The following PHF19 variants were observed in gnomAD, a reference collection of about 807,000 sequenced individuals.
The protein encoded by PHF19 is polycomb like 3.
PHF19 carries 21 observed loss-of-function variants against 79.8 expected under a neutral mutation model. The observed-to-expected ratio is 0.26, with a 90% CI of 0.19 to 0.38. PHF19 has a LOEUF of 0.38. PHF19 is among the 10% of genes least tolerant of loss of function. The pLI is 1.00. For synonymous variants in PHF19, 273 were observed against 296.3 expected (o/e 0.92, Z 0.81); for missense variants, 445 against 744.2 (o/e 0.60, Z 4.68).
Position 120,861,992 on chromosome 9 carries a change from C to T in PHF19, c.1144G>A (p.Glu382Lys), listed in dbSNP as rs781520232. 2.5e-6 allele frequency: 4 copies of T among 1,613,426 alleles called. No individual in the cohort carries two copies. Among genetic ancestry groups the T allele is most frequent in the African/African-American group, 1.3e-5 (1 of 75,054 alleles). ...ACTCGCCTTTTCTGCTGCTGGAATT[C>T]GTGAGGCAACAAACTGTGGAGACAG... ...GKSKPGLLPH[E>K]FQQQKRRVYR... The change falls in exon 12 of 15, where the codon GAA becomes AAA. Residue 382 changes from glutamate (E) to lysine (K), a missense_variant. Coordinates refer to ENST00000373896, the MANE Select transcript of PHF19 (RefSeq NM_015651.3).
intron 9 of PHF19, among the ~76,000 whole-genome samples, chr9:120,864,891 A>G (rs1283352014): frequency 5.3e-5 from 8 of 152,216 alleles, no homozygotes; most frequent in Non-Finnish European, 7.3e-5. Flanking sequence ...GGATTTTTTA[A>G]AAAGTATACT....
chr9:120,862,511 A>G lies in PHF19; in HGVS notation c.1130+77T>C. 1 of 1,310,540 alleles carries G rather than the reference A, an allele frequency of 7.6e-7. No homozygotes were observed. The highest frequency in any genetic ancestry group is 1.1e-6 in the Non-Finnish European group (1 of 914,316). The allele number at this position is 1,310,540 out of a possible 1,614,324, so 81.2% of individuals were successfully genotyped here. A position where few individuals can be genotyped will look rare whatever the true frequency, so the allele number is the denominator to read the frequency against. On this transcript the variant is annotated intron_variant, in intron 11 of 14. Coordinates refer to ENST00000373896, the MANE Select transcript of PHF19 (RefSeq NM_015651.3). This position sits in a 1 kb window ranked among gnomAD's most constrained non-coding sequence, Gnocchi z 4.6. ...CCTACAGCTGGGACTGGCTGGGTGC[A>G]GGTCCTCCTTGCTTGCTTGGAAGCA...
chr9:120,857,668 A>G lies in PHF19; in HGVS notation c.*276T>C. The G allele has an allele frequency of 2.7e-6, 1 of 367,614 alleles. No homozygotes were observed. The highest frequency in any genetic ancestry group is 4.9e-6 in the Non-Finnish European group (1 of 204,876). 22.8% of individuals were successfully genotyped at this position (367,614 alleles called of 1,614,324 possible). On this transcript the variant is annotated 3_prime_UTR_variant, in exon 15 of 15. Coordinates refer to ENST00000373896, the MANE Select transcript of PHF19 (RefSeq NM_015651.3). Reference sequence around the variant, plus strand: ...GGAAGGGTCCCAGCGCAGGGGACACAAGGTCAGAGAACAGATAAACAGAGT... The same window carrying G: ...GGAAGGGTCCCAGCGCAGGGGACACGAGGTCAGAGAACAGATAAACAGAGT...
intron 1 of PHF19, among the ~76,000 whole-genome samples, chr9:120,894,199 G>A (rs2046375749): frequency 1.3e-5 from 2 of 152,174 alleles, no homozygotes; most frequent in Non-Finnish European, 2.9e-5. Context: ...TTGGTGCTGA[G>A]CCACCGTCCC....
chr9:120,879,080 A>G (rs1356427934), upstream of PHF19, among the ~76,000 whole-genome samples: 1 of 151,662 alleles, frequency 6.6e-6, no homozygotes, highest in African/African-American at 2.4e-5. Context: ...TTTTTAAACA[A>G]TTCTTGCTCC....
In PHF19 at chr9:120,870,586, G is replaced by A. The variant is rs145522849; in HGVS notation, c.269-48C>T. The A allele has an allele frequency of 2.1e-3, 2,348 of 1,098,492 alleles. 29 individuals carry two copies. The African/African-American group carries it at 0.032, about 15-fold the overall frequency. The allele number at this position is 1,098,492 out of a possible 1,614,324, so 68.0% of individuals were successfully genotyped here. On this transcript the variant is annotated intron_variant, in intron 3 of 14. Coordinates refer to ENST00000373896, the MANE Select transcript of PHF19 (RefSeq NM_015651.3). This position sits in a 1 kb window ranked among gnomAD's most constrained non-coding sequence, Gnocchi z 4.4. Reference sequence around the variant, plus strand: ...TCGGGTCCAGCTCACAGGAATGGAAGTTTTATACTCACATTCCAGATGCCC... The same window carrying A: ...TCGGGTCCAGCTCACAGGAATGGAAATTTTATACTCACATTCCAGATGCCC...
Position 120,861,384 on chromosome 9 carries a change from G to A in PHF19, c.1219-210C>T, listed in dbSNP as rs116523101. Reference sequence around the variant, plus strand: ...CTCTAGCTGACTGTACGACCTTCACGTCTCTGGACCTCAGTTACTTCAACT... The same window carrying A: ...CTCTAGCTGACTGTACGACCTTCACATCTCTGGACCTCAGTTACTTCAACT... On this transcript the variant is annotated intron_variant, in intron 12 of 14. Transcript: ENST00000373896. Among the ~76,000 whole-genome samples, 973 of 152,288 alleles carry A rather than the reference G, an allele frequency of 6.4e-3. 16 individuals carry two copies. Among genetic ancestry groups the A allele is most frequent in the African/African-American group, 0.022 (896 of 41,560 alleles).
chr9:120,877,405 G>T, upstream of PHF19: 1 of 969,692 alleles, frequency 1.0e-6, no homozygotes, highest in Non-Finnish European at 1.2e-6. Context: ...TGGAGCCCGC[G>T]GCCGCCGGGC....
chr9:120,865,242 G>A (rs1388016429), intron 9 of PHF19, among the ~76,000 whole-genome samples: 2 of 152,214 alleles, frequency 1.3e-5, no homozygotes, highest in Non-Finnish European at 2.9e-5. Context: ...GGGAGGCCCT[G>A]GCTCCAGCTC....
At chr9:120,865,459 G>C (rs958930517) in intron 9 of PHF19, among the ~76,000 whole-genome samples, 4 of 152,194 alleles carry the variant, frequency 2.6e-5, no homozygotes, top group South Asian at 2.1e-4. Flanking sequence ...ACACTCAGCA[G>C]AGAGCTGTGT....
At chr9:120,859,283 A>AT (rs998777730) in intron 14 of PHF19, among the ~76,000 whole-genome samples, 52 of 138,204 alleles carry the variant, frequency 3.8e-4, no homozygotes, top group African/African-American at 1.2e-3. Context: ...CACCCAGCTA[A>AT]TTTTTTTTGT....
chr9:120,859,746 G>C (rs529352809), intron 14 of PHF19, among the ~76,000 whole-genome samples: 72 of 152,322 alleles, frequency 4.7e-4, no homozygotes, highest in African/African-American at 1.7e-3. Context: ...AGACACCCAA[G>C]CTCATGGCAC....
chr9:120,858,829 A>T (rs1025659362), intron 14 of PHF19, among the ~76,000 whole-genome samples: 23 of 151,364 alleles, frequency 1.5e-4, no homozygotes, highest in South Asian at 2.1e-4. Context: ...ACACACACAC[A>T]CACACACACA....
rs2045912428 is a variant in PHF19, at chr9:120,872,037, C to CAAAAAAAAAGAAAAAAAAAAAAAAA, written c.269-1500_269-1499insTTTTTTTTTTTTTTTCTTTTTTTTT. ...TGGGTGACAGAGCAAGACTCTGTCT[C>CAAAAAAAAAGAAAAAAAAAAAAAAA]AAAAAAAAAAAAAAAAAAAAAAAAA... On this transcript the variant is annotated intron_variant, in intron 3 of 14. Coordinates refer to ENST00000373896, the MANE Select transcript of PHF19 (RefSeq NM_015651.3). Among the ~76,000 whole-genome samples the CAAAAAAAAAGAAAAAAAAAAAAAAA allele has an allele frequency of 1.4e-3, 43 of 30,324 alleles. 7 individuals carry two copies. The highest frequency in any genetic ancestry group is 0.045 in the Middle Eastern group (1 of 22). 19.9% of individuals were successfully genotyped at this position (30,324 alleles called of 152,430 possible). A position where few individuals can be genotyped will look rare whatever the true frequency, so the allele number is the denominator to read the frequency against.
In PHF19 at chr9:120,866,019, C is replaced by A. The variant is rs2045688529; in HGVS notation, c.779+9G>T. On this transcript the variant is annotated intron_variant, in intron 8 of 14. Transcript: ENST00000373896. This position sits in a 1 kb window ranked among gnomAD's most constrained non-coding sequence, Gnocchi z 5.2. Reference sequence around the variant, plus strand: ...GCAGCGGTGGTTGGACTAAGCCCCACCCTCTCACCATCGCAGGGGCAGCCT... The same window carrying A: ...GCAGCGGTGGTTGGACTAAGCCCCAACCTCTCACCATCGCAGGGGCAGCCT... 1 of 1,609,074 alleles carries A rather than the reference C, an allele frequency of 6.2e-7. No homozygotes were observed. Among genetic ancestry groups the A allele is most frequent in the African/African-American group, 1.3e-5 (1 of 74,758 alleles).
chr9:120,887,349 G>A (rs1292584211), intron 1 of PHF19, among the ~76,000 whole-genome samples: 2 of 152,116 alleles, frequency 1.3e-5, no homozygotes, highest in East Asian at 1.9e-4. Flanking sequence ...AGCTACTTGC[G>A]AGGCTGAGGC....
At chr9:120,887,657 C>T (rs1588137119) in intron 1 of PHF19, among the ~76,000 whole-genome samples, 1 of 151,506 alleles carries the variant, frequency 6.6e-6, no homozygotes, top group Non-Finnish European at 1.5e-5. Flanking sequence ...CACACAGACA[C>T]ACACACACAC....
intron 1 of PHF19, among the ~76,000 whole-genome samples, chr9:120,885,476 G>A (rs1477955639): frequency 6.6e-6 from 1 of 152,058 alleles, no homozygotes; most frequent in Non-Finnish European, 1.5e-5. Context: ...TACTGGGAAT[G>A]CTGAGGCAGG....
intron 1 of PHF19, among the ~76,000 whole-genome samples, chr9:120,894,293 C>A (rs1196476732): frequency 1.3e-5 from 2 of 152,192 alleles, no homozygotes; most frequent in East Asian, 3.9e-4. Context: ...AAGATAAGGG[C>A]TCCAGCAGAA....
Sources: allele counts gnomAD v4.1 joint callset (sites outside exome capture counted in the v4.1 genomes callset), GRCh38; gene constraint gnomAD v4.1.1; non-coding constraint Gnocchi (gnomAD v3.1); transcripts MANE v1.5; gene names NCBI Gene and HGNC (gene_info 2026-07-23, HGNC 2026-07-21).